FGF13: variants seen among roughly 807,000 people sequenced by gnomAD.
FGF13 encodes the protein fibroblast growth factor 13.
A neutral mutation model predicts 19.5 loss-of-function variants in FGF13; 2 were observed. The ratio of observed to expected loss-of-function variants is 0.10; its 90% CI spans 0.04 to 0.32. The LOEUF (loss-of-function observed/expected upper bound fraction) is 0.32. Ranked by LOEUF, FGF13 falls within the 10% of genes least tolerant of loss-of-function variation. The probability of loss-of-function intolerance (pLI) is 1.00; values close to 1 mark genes in which losing one functional copy is unlikely to be tolerated. For synonymous variants in FGF13, 72 were observed against 76.9 expected (o/e 0.94, Z 0.33); for missense variants, 113 against 192.7 (o/e 0.59, Z 2.45).
intron 1 of FGF13, among the ~76,000 whole-genome samples, chrX:139,180,912 C>T (rs2084233368): frequency 8.9e-6 from 1 of 112,284 alleles, no homozygotes; most frequent in African/African-American, 3.2e-5. Flanking sequence ...GTGCCAGGTA[C>T]TACATGAAAG....
At chrX:138,694,062 T>G (rs1264962517) in intron 3 of FGF13, among the ~76,000 whole-genome samples, 1 of 112,035 alleles carries the variant, frequency 8.9e-6, no homozygotes, top group Non-Finnish European at 1.9e-5. Flanking sequence ...GATCAATGAG[T>G]TCATCTAAAG....
chrX:139,095,791 G>A (rs2083466731), intron 1 of FGF13, among the ~76,000 whole-genome samples: 1 of 111,886 alleles, frequency 8.9e-6, no homozygotes, highest in Admixed American at 9.5e-5. Flanking sequence ...CCTTTTCCAT[G>A]TCCTGCCTGT....
At chrX:139,004,622 G>C (rs761898562) in intron 1 of FGF13, among the ~76,000 whole-genome samples, 147 of 112,546 alleles carry the variant, frequency 1.3e-3, no homozygotes, top group Non-Finnish European at 1.5e-3. Context: ...AGAACACCAA[G>C]AGCGCTTTTG....
intron 1 of FGF13, among the ~76,000 whole-genome samples, chrX:139,005,874 T>G (rs1262715893): frequency 1.9e-5 from 2 of 107,617 alleles, no homozygotes; most frequent in African/African-American, 6.8e-5. Context: ...TGAAAATACA[T>G]GGTCAGAGGA....
chrX:139,140,944 C>T (rs189266673), intron 1 of FGF13, among the ~76,000 whole-genome samples: 44 of 110,405 alleles, frequency 4.0e-4, no homozygotes, highest in Admixed American at 2.2e-3. Flanking sequence ...GCTCTTCTCT[C>T]TGCCTGTAAA....
intron 1 of FGF13, among the ~76,000 whole-genome samples, chrX:139,086,656 C>T (rs1321741622): frequency 8.9e-6 from 1 of 111,748 alleles, no homozygotes; most frequent in Non-Finnish European, 1.9e-5. Context: ...ATCACATGTG[C>T]CCCATTAATA....
chrX:139,008,817 C>T (rs1358910979), intron 1 of FGF13, among the ~76,000 whole-genome samples: 1 of 111,759 alleles, frequency 8.9e-6, no homozygotes, highest in Non-Finnish European at 1.9e-5. Flanking sequence ...AAACATCATA[C>T]CAGCTAACCA....
rs1378199587 is a variant in FGF13 at position 138,630,334 on chromosome X, A to T, written c.*2516T>A. The T allele has an allele frequency of 9.0e-6, 1 of 111,376 alleles. No homozygotes were observed. The highest frequency in any genetic ancestry group is 3.3e-5 in the African/African-American group (1 of 30,596). 9.2% of individuals were successfully genotyped at this position (111,376 alleles called of 1,213,427 possible). On this transcript the variant is annotated 3_prime_UTR_variant, in exon 5 of 5. Coordinates refer to ENST00000315930, the MANE Select transcript of FGF13 (RefSeq NM_004114.5). ...AGACCAGCAACTGAAGTAGTCAGTG[A>T]CCAAACTTTAAAGTTCTTAGAGAAA...
chrX:138,982,962 T>G (rs1408795449), intron 1 of FGF13, among the ~76,000 whole-genome samples: 1 of 112,295 alleles, frequency 8.9e-6, no homozygotes, highest in Admixed American at 9.4e-5. Flanking sequence ...TAAATGGCAA[T>G]ATTTGTTTTT....
chrX:138,903,522 A>C lies in FGF13; in HGVS notation c.-112-38872T>G, dbSNP rs1019533950. On this transcript the variant is annotated intron_variant, in intron 1 of 2. Coordinates refer to the FGF13 transcript ENST00000421460. ...ATGATCACTGCTCCTTCCAAATAAG[A>C]AGTCTCCAAACCCCAACAAGTAGAT... Among the ~76,000 whole-genome samples the C allele has an allele frequency of 2.7e-5, 3 of 111,504 alleles. No homozygotes were observed. The Admixed American group carries it at 2.9e-4, about 11-fold the overall frequency.
intron 3 of FGF13, among the ~76,000 whole-genome samples, chrX:138,829,397 T>G (rs1210727327): frequency 9.0e-6 from 1 of 110,847 alleles, no homozygotes; most frequent in Non-Finnish European, 1.9e-5. Flanking sequence ...GCCTGGCACC[T>G]CTTCCCCTTC....
intron 1 of FGF13, among the ~76,000 whole-genome samples, chrX:138,903,476 A>C (rs114837138): frequency 0.025 from 2,793 of 111,672 alleles, 84 homozygotes; most frequent in African/African-American, 0.087. Flanking sequence ...GGAGTGGTTC[A>C]AGTGGACCTT....
intron 1 of FGF13, among the ~76,000 whole-genome samples, chrX:139,059,999 A>G (rs1025117419): frequency 8.9e-6 from 1 of 111,839 alleles, no homozygotes; most frequent in African/African-American, 3.2e-5. Flanking sequence ...GTCCCTCAAA[A>G]GTCCCAATTC....
At chrX:138,762,435 G>T (rs2090474345) in intron 3 of FGF13, among the ~76,000 whole-genome samples, 1 of 112,158 alleles carries the variant, frequency 8.9e-6, no homozygotes, top group South Asian at 3.7e-4. Flanking sequence ...AGATTTTTTG[G>T]ACTGAGAGGA....
At chrX:138,778,630 G>T (rs867574630) in intron 3 of FGF13, among the ~76,000 whole-genome samples, 3 of 112,267 alleles carry the variant, frequency 2.7e-5, no homozygotes, top group African/African-American at 9.7e-5. Context: ...ACGGCACACC[G>T]GGAGAATATA....
At chrX:139,136,032 A>C (rs1367416725) in intron 1 of FGF13, among the ~76,000 whole-genome samples, 1 of 111,817 alleles carries the variant, frequency 8.9e-6, no homozygotes, top group Non-Finnish European at 1.9e-5. Flanking sequence ...TTAACTTCTA[A>C]TTACCTTTCA....
intron 3 of FGF13, among the ~76,000 whole-genome samples, chrX:138,700,252 A>G (rs989719569): frequency 3.6e-5 from 4 of 110,847 alleles, no homozygotes; most frequent in African/African-American, 1.3e-4. Context: ...TAACTTGCCC[A>G]CATCAGTAGC....
At chrX:138,731,595 A>G (rs1349625260) in intron 1 of FGF13, among the ~76,000 whole-genome samples, 1 of 111,054 alleles carries the variant, frequency 9.0e-6, no homozygotes, top group Non-Finnish European at 1.9e-5. Context: ...GAAGAAAGTT[A>G]TAAAATAAAT....
intron 1 of FGF13, among the ~76,000 whole-genome samples, chrX:138,981,318 TACACACACACACACACACAC>T (rs57954256): frequency 3.1e-5 from 3 of 97,014 alleles, no homozygotes; most frequent in East Asian, 3.3e-4. Context: ...ATTGTGTGCT[TACACACACACACACACACAC>T]ACACACACAC....
Sources: gnomAD v4.1 joint callset for allele counts (sites outside exome capture counted in the v4.1 genomes callset) on GRCh38, gnomAD v4.1.1 for gene constraint, MANE v1.5 for transcripts, NCBI Gene and HGNC (gene_info 2026-07-23, HGNC 2026-07-21) for gene names.